Variants in NADK2 observed in about 807,000 individuals in gnomAD.
NADK2 encodes the protein NAD kinase domain-containing protein 1, mitochondrial.
A neutral mutation model predicts 62.1 loss-of-function variants in NADK2; 35 were observed. The ratio of observed to expected loss-of-function variants is 0.56; its 90% confidence interval spans 0.43 to 0.75. The LOEUF is 0.75. Ranked by LOEUF, NADK2 falls within the 30% of genes least tolerant of loss-of-function variation. The probability of loss-of-function intolerance (pLI) is 0.00; values close to 1 mark genes in which losing one functional copy is unlikely to be tolerated. For missense variants in NADK2, 439 were observed against 561.3 expected (o/e 0.78, Z 2.20); for synonymous variants, 205 against 207.9 (o/e 0.99, Z 0.12).
In NADK2 at chr5:36,219,688, T is replaced by G; in HGVS notation, c.561-9A>C. ...ATAAATGACCCTCAGACCTATATTTTAACAGGAATTTTTTGGTGATATAAA... is the reference window on the plus strand; with the variant it reads ...ATAAATGACCCTCAGACCTATATTTGAACAGGAATTTTTTGGTGATATAAA... On this transcript the variant is annotated splice_polypyrimidine_tract_variant and intron_variant, in intron 4 of 11. Transcript: ENST00000381937. 1 of 1,608,700 alleles carries G rather than the reference T, an allele frequency of 6.2e-7. No individual in the cohort carries two copies. The highest frequency in any genetic ancestry group is 8.5e-7 in the Non-Finnish European group (1 of 1,177,592).
intron 4 of NADK2, among the ~76,000 whole-genome samples, chr5:36,220,568 G>A (rs1747226861): frequency 6.6e-6 from 1 of 152,190 alleles, no homozygotes; most frequent in Admixed American, 6.5e-5. Context: ...CTTTATCTAA[G>A]CAGGTCAACA....
At chr5:36,227,903 G>T in intron 1 of NADK2, among the ~76,000 whole-genome samples, 1 of 149,484 alleles carries the variant, frequency 6.7e-6, no homozygotes. Context: ...GGAGTGCAGT[G>T]GTGTGATCTC....
At chr5:36,234,154 C>A (rs1308152834) in intron 1 of NADK2, among the ~76,000 whole-genome samples, 1 of 151,734 alleles carries the variant, frequency 6.6e-6, no homozygotes. Flanking sequence ...ACGGGCGGAT[C>A]ACGAGGTCAG....
intron 4 of NADK2, among the ~76,000 whole-genome samples, chr5:36,223,625 A>C (rs1466888388): frequency 4.6e-5 from 7 of 152,200 alleles, no homozygotes; most frequent in Admixed American, 4.6e-4. Context: ...ACTTCCCAGA[A>C]ATCAGGTAAG....
At chr5:36,230,136 G>A (rs1173933264) in intron 1 of NADK2, among the ~76,000 whole-genome samples, 4 of 151,976 alleles carry the variant, frequency 2.6e-5, no homozygotes, top group Non-Finnish European at 2.9e-5. Context: ...TCAGCTTAAT[G>A]CCCTTCTACA....
At chr5:36,209,542 T>C (rs1357456614) in intron 7 of NADK2, among the ~76,000 whole-genome samples, 1 of 152,170 alleles carries the variant, frequency 6.6e-6, no homozygotes, top group Non-Finnish European at 1.5e-5. Context: ...CATTTAAAGT[T>C]CTTCCTCTCT....
intron 7 of NADK2, chr5:36,208,775 G>C: frequency 2.4e-6 from 2 of 842,362 alleles, no homozygotes; most frequent in Non-Finnish European, 3.7e-6. Flanking sequence ...AATGAGGCAG[G>C]AATAATATTG....
Position 36,197,611 on chromosome 5 carries a change from G to A in NADK2, c.1120C>T (p.Leu374Phe). Residue 374 changes from leucine to phenylalanine, a missense_variant, in exon 11 of 12, where the codon CTT becomes TTT. Transcript: ENST00000381937. ...GCTATTGGTTCTCGAATACTGAAAA[G>A]TATTTTTGGTTCTTCCGGACTGTAG... The part of the protein sequence containing the change: ...LLYSPEEPKI[L>F]FSIREPIANR... 6.2e-7 allele frequency: 1 copy of A among 1,610,934 alleles called. No individual in the cohort carries two copies. Among genetic ancestry groups the A allele is most frequent in the Non-Finnish European group, 8.5e-7 (1 of 1,178,586 alleles).
rs1164966202 is a variant in NADK2 at position 36,194,689 on chromosome 5, G to A, written c.*455C>T. 3 of 152,218 alleles carry A rather than the reference G, an allele frequency of 2.0e-5. No homozygotes were observed. The highest frequency in any genetic ancestry group is 1.9e-4 in the East Asian group (1 of 5,132). The allele number at this position is 152,218 out of a possible 1,614,324, so 9.4% of individuals were successfully genotyped here. ...ATGTCAGGATTTATCAAAATTCTCT[G>A]TCTTGAAAATTTTTTCAAAATCTTG... On this transcript the variant is annotated 3_prime_UTR_variant, in exon 12 of 12. Coordinates refer to ENST00000381937, the MANE Select transcript of NADK2 (RefSeq NM_001085411.3).
At chr5:36,219,094 A>G (rs1264583210) in intron 5 of NADK2, among the ~76,000 whole-genome samples, 1 of 152,210 alleles carries the variant, frequency 6.6e-6, no homozygotes, top group Non-Finnish European at 1.5e-5. Flanking sequence ...CACAATTCCA[A>G]CTGGACTAGG....
intron 7 of NADK2, among the ~76,000 whole-genome samples, chr5:36,209,293 C>T (rs942522082): frequency 1.3e-5 from 2 of 152,040 alleles, no homozygotes; most frequent in East Asian, 3.9e-4. Flanking sequence ...TTGAAAATCC[C>T]CTCAAGAAAT....
At chr5:36,198,350 T>A (rs1746310703) in intron 10 of NADK2, among the ~76,000 whole-genome samples, 1 of 151,664 alleles carries the variant, frequency 6.6e-6, no homozygotes, top group Non-Finnish European at 1.5e-5. Context: ...TTACTGACTT[T>A]AAAAAAAATC....
chr5:36,236,884 A>C (rs372283936), intron 1 of NADK2, among the ~76,000 whole-genome samples: 2,165 of 151,620 alleles, frequency 0.014, 26 homozygotes, highest in South Asian at 0.043. Flanking sequence ...AAAAAAAAAA[A>C]AAACAGGAAT....
At chr5:36,215,585 C>T (rs1561064703) in intron 6 of NADK2, among the ~76,000 whole-genome samples, 1 of 152,150 alleles carries the variant, frequency 6.6e-6, no homozygotes, top group Non-Finnish European at 1.5e-5. Context: ...CATTAACCAA[C>T]CTCTGTTTAT....
At chr5:36,200,124 G>T in intron 10 of NADK2, 103 bp downstream of exon 10, 3 of 674,938 alleles carry the variant, frequency 4.4e-6, no homozygotes, top group South Asian at 6.1e-5. Flanking sequence ...AAGCATGTTT[G>T]AGTAAAAAAA....
Position 36,232,355 on chromosome 5 carries a change from G to GT in NADK2, c.301-4791dup, listed in dbSNP as rs536007939. Among the ~76,000 whole-genome samples the GT allele has an allele frequency of 1.0e-3, 155 of 152,186 alleles. 1 individual carries two copies. The highest frequency in any genetic ancestry group is 3.1e-3 in the African/African-American group (127 of 41,526). ...ATAGCTTAATAAGGGAAGGAGTTAA[G>GT]TTTTTTTAAATTTAACACATAATAA... On this transcript the variant is annotated intron_variant, in intron 1 of 11. Transcript: ENST00000381937.
chr5:36,216,172 A>G (rs1391982255), intron 6 of NADK2, among the ~76,000 whole-genome samples: 1 of 152,030 alleles, frequency 6.6e-6, no homozygotes, highest in Non-Finnish European at 1.5e-5. Context: ...TTTGATTTGC[A>G]TTTCCCTGAT....
At chr5:36,228,653 C>G (rs910257059) in intron 1 of NADK2, among the ~76,000 whole-genome samples, 12 of 150,872 alleles carry the variant, frequency 8.0e-5, no homozygotes, top group African/African-American at 2.9e-4. Context: ...GGGTCTGGCT[C>G]TGTTGCCCAG....
At chr5:36,195,401 G>A (rs1746194088) in intron 11 of NADK2, 119 bp from the exon 12 acceptor site, 4 of 1,069,354 alleles carry the variant, frequency 3.7e-6, no homozygotes, top group Middle Eastern at 2.1e-4. Flanking sequence ...TTGTTCTCTG[G>A]TATGAGAAAA....
Sources: gnomAD v4.1 joint callset for allele counts (sites outside exome capture counted in the v4.1 genomes callset) on GRCh38, gnomAD v4.1.1 for gene constraint, MANE v1.5 for transcripts, NCBI Gene and HGNC (gene_info 2026-07-23, HGNC 2026-07-21) for gene names.